The following BNC2 variants were observed in gnomAD, a reference collection of about 807,000 sequenced individuals.
BNC2 encodes zinc finger protein basonuclin-2.
Under a neutral mutation model 76.3 loss-of-function variants are expected in BNC2, and 20 were observed. The observed-to-expected ratio is 0.26, with a 90% confidence interval of 0.18 to 0.38. The LOEUF (loss-of-function observed/expected upper bound fraction) is 0.38. Ranked by LOEUF, BNC2 falls within the 10% of genes least tolerant of loss-of-function variation. The pLI, the probability that BNC2 is intolerant of heterozygous loss-of-function variation, is 1.00. For missense variants in BNC2, 1,382 were observed against 1,399.8 expected, an observed-to-expected ratio of 0.99 and a Z score of 0.20; for synonymous variants, 582 against 514.8, an observed-to-expected ratio of 1.13 and a Z score of -1.77.
intron 3 of BNC2, among the ~76,000 whole-genome samples, chr9:16,716,765 T>C (rs1445503733): frequency 1.3e-5 from 2 of 152,222 alleles, no homozygotes; most frequent in South Asian, 4.1e-4. Context: ...TTATGTTTCA[T>C]CATTGCACCA....
At chr9:16,675,036 C>A (rs1773211681) in intron 3 of BNC2, among the ~76,000 whole-genome samples, 1 of 152,110 alleles carries the variant, frequency 6.6e-6, no homozygotes, top group African/African-American at 2.4e-5. Context: ...CCCAAATATT[C>A]CATTTCTTAG....
chr9:16,433,819 C>T (rs1052404161), intron 6 of BNC2, among the ~76,000 whole-genome samples: 1 of 152,096 alleles, frequency 6.6e-6, no homozygotes, highest in African/African-American at 2.4e-5. Context: ...TAAATTTTGG[C>T]TTGTCTTCAA....
chr9:16,540,711 G>A (rs1488312517), intron 5 of BNC2, among the ~76,000 whole-genome samples: 1 of 152,136 alleles, frequency 6.6e-6, no homozygotes, highest in Non-Finnish European at 1.5e-5. Flanking sequence ...TCTTTTGACA[G>A]GAGCATTCAG....
chr9:16,447,084 C>T (rs561201334), intron 5 of BNC2, among the ~76,000 whole-genome samples: 1 of 152,210 alleles, frequency 6.6e-6, no homozygotes, highest in East Asian at 1.9e-4. Context: ...ACCTGAGAAA[C>T]TTTTAAAGAC....
chr9:16,463,781 G>A (rs187847560), intron 5 of BNC2, among the ~76,000 whole-genome samples: 2 of 152,132 alleles, frequency 1.3e-5, no homozygotes, highest in African/African-American at 4.8e-5. Flanking sequence ...ATAGGGTCAG[G>A]CATGGTGGTT....
At chr9:16,440,738 G>A (rs1241786348) in intron 5 of BNC2, among the ~76,000 whole-genome samples, 1 of 152,088 alleles carries the variant, frequency 6.6e-6, no homozygotes, top group Non-Finnish European at 1.5e-5. Context: ...TAAAACCACT[G>A]CTTTTCAGAT....
chr9:16,707,488 A>G (rs1823714171), intron 3 of BNC2, among the ~76,000 whole-genome samples: 2 of 152,184 alleles, frequency 1.3e-5, no homozygotes, highest in Non-Finnish European at 2.9e-5. Context: ...ACCGGGGCCT[A>G]TGAAAAGAGG....
chr9:16,709,129 G>A (rs770217010), intron 3 of BNC2, among the ~76,000 whole-genome samples: 16 of 152,132 alleles, frequency 1.1e-4, no homozygotes, highest in Non-Finnish European at 1.6e-4. Context: ...TGTTCTTTCC[G>A]CTTTCCTATT....
intron 1 of BNC2, among the ~76,000 whole-genome samples, chr9:16,739,405 A>G (rs7035637): frequency 0.71 from 107,277 of 152,058 alleles, 37,948 homozygotes; most frequent in Non-Finnish European, 0.73. Flanking sequence ...ATGGTGGCTC[A>G]CGCCTCTAAT....
chr9:16,597,351 G>A (rs1348667440), intron 3 of BNC2, among the ~76,000 whole-genome samples: 1 of 152,072 alleles, frequency 6.6e-6, no homozygotes, highest in Non-Finnish European at 1.5e-5. Flanking sequence ...GTCAAGCAAT[G>A]AAGAAACATT....
chr9:16,780,007 C>A (rs1415662249), intron 1 of BNC2, among the ~76,000 whole-genome samples: 1 of 151,354 alleles, frequency 6.6e-6, no homozygotes, highest in East Asian at 1.9e-4. Flanking sequence ...GAGGCCGAGG[C>A]GGGCGGATCA....
intron 3 of BNC2, chr9:16,665,312 G>A: frequency 3.2e-6 from 1 of 313,338 alleles, no homozygotes; most frequent in Non-Finnish European, 6.1e-6. Flanking sequence ...GGAGGTTGCA[G>A]TAAGCTAAGA....
At chr9:16,690,962 C>T (rs1042826537) in intron 3 of BNC2, among the ~76,000 whole-genome samples, 9 of 152,158 alleles carry the variant, frequency 5.9e-5, no homozygotes, top group Admixed American at 3.9e-4. Flanking sequence ...CTGGGGTGAG[C>T]TGCCAAAGAA....
At chr9:16,817,548 A>G (rs1818215279) in intron 1 of BNC2, among the ~76,000 whole-genome samples, 1 of 152,218 alleles carries the variant, frequency 6.6e-6, no homozygotes, top group South Asian at 2.1e-4. Context: ...AAAGGTGAAG[A>G]GGCATAAACC....
intron 3 of BNC2, among the ~76,000 whole-genome samples, chr9:16,704,174 A>G (rs1823593229): frequency 6.6e-6 from 1 of 152,174 alleles, no homozygotes; most frequent in South Asian, 2.1e-4. Flanking sequence ...CCACACTTTA[A>G]TCTGTTATAA....
chr9:16,487,173 G>T (rs1822182218), intron 5 of BNC2, among the ~76,000 whole-genome samples: 1 of 152,184 alleles, frequency 6.6e-6, no homozygotes, highest in Non-Finnish European at 1.5e-5. Flanking sequence ...TTTACTTGAA[G>T]AACAACTAGA....
intron 4 of BNC2, among the ~76,000 whole-genome samples, chr9:16,573,013 C>T (rs1238632784): frequency 1.3e-5 from 2 of 151,856 alleles, no homozygotes; most frequent in African/African-American, 4.8e-5. Flanking sequence ...AGATCATTTG[C>T]ATCTAGGAGC....
intron 4 of BNC2, among the ~76,000 whole-genome samples, chr9:16,569,121 TC>T (rs1819246762): frequency 6.6e-6 from 1 of 151,134 alleles, no homozygotes; most frequent in Non-Finnish European, 1.5e-5. Flanking sequence ...TTTTTTTTTT[TC>T]TTCAACAAAT....
chr9:16,609,183 T>C (rs758531730), intron 3 of BNC2, among the ~76,000 whole-genome samples: 1 of 152,180 alleles, frequency 6.6e-6, no homozygotes, highest in Non-Finnish European at 1.5e-5. Flanking sequence ...CAGAGAGCTT[T>C]TATAACAAAA....
Sources: allele counts gnomAD v4.1 joint callset (sites outside exome capture counted in the v4.1 genomes callset), GRCh38; gene constraint gnomAD v4.1.1; transcripts MANE v1.5; gene names NCBI Gene and HGNC (gene_info 2026-07-23, HGNC 2026-07-21).